Variants in SKIC3 observed in about 807,000 individuals in gnomAD.
The protein encoded by SKIC3 is superkiller complex protein 3.
At chr5:95,527,393 GAA>G in the SKIC3 span, among the ~76,000 whole-genome samples, 2 of 152,220 alleles carry the variant, frequency 1.3e-5, no homozygotes, top group East Asian at 3.9e-4. Flanking sequence ...TGATTTTAAA[GAA>G]ATATTATGAA....
chr5:95,517,052 C>T, the SKIC3 span: 3 of 1,613,616 alleles, frequency 1.9e-6, no homozygotes, highest in African/African-American at 4.0e-5. Flanking sequence ...TAATGCACGA[C>T]CATAACACCT....
the SKIC3 span, among the ~76,000 whole-genome samples, chr5:95,478,019 A>C: frequency 2.0e-5 from 3 of 152,196 alleles, no homozygotes; most frequent in South Asian, 6.2e-4. Flanking sequence ...AATTTGTTTC[A>C]CCAAGAAACA....
the SKIC3 span, chr5:95,503,735 T>C: frequency 4.4e-6 from 7 of 1,595,624 alleles, no homozygotes; most frequent in Non-Finnish European, 6.0e-6. Flanking sequence ...CATCTCATTA[T>C]TACATCTTTC....
At chr5:95,530,554 C>T in the SKIC3 span, among the ~76,000 whole-genome samples, 1 of 152,140 alleles carries the variant, frequency 6.6e-6, no homozygotes, top group Middle Eastern at 3.2e-3. Flanking sequence ...AATGAAGGAG[C>T]CCTTGTCAAA....
chr5:95,497,321 T>C, the SKIC3 span: 2 of 1,145,278 alleles, frequency 1.7e-6, no homozygotes, highest in Non-Finnish European at 2.6e-6. Flanking sequence ...GTACAAATTA[T>C]CTTGCAGAAG....
At chr5:95,554,459 A>T in the SKIC3 span, among the ~76,000 whole-genome samples, 2 of 152,170 alleles carry the variant, frequency 1.3e-5, no homozygotes, top group South Asian at 2.1e-4. Flanking sequence ...TTCTGAACCT[A>T]CGTCAACTAA....
the SKIC3 span, chr5:95,540,627 T>G: frequency 1.3e-6 from 2 of 1,590,904 alleles, no homozygotes; most frequent in Non-Finnish European, 1.7e-6. Flanking sequence ...ATGTTTCCAT[T>G]TTCTAAATTC....
At chr5:95,536,404 C>T in the SKIC3 span, 1 of 229,936 alleles carries the variant, frequency 4.3e-6, no homozygotes, top group Admixed American at 5.2e-5. Context: ...ACCTATTTAG[C>T]CAAAATATAT....
chr5:95,478,985 A>G, the SKIC3 span, among the ~76,000 whole-genome samples: 1 of 152,170 alleles, frequency 6.6e-6, no homozygotes, highest in Non-Finnish European at 1.5e-5. Context: ...ACCACTTTTG[A>G]CATTGTATTA....
the SKIC3 span, among the ~76,000 whole-genome samples, chr5:95,480,067 C>A: frequency 6.6e-6 from 1 of 151,936 alleles, no homozygotes; most frequent in African/African-American, 2.4e-5. Context: ...AACCTTAACT[C>A]CTGCAATATT....
chr5:95,486,745 C>G, the SKIC3 span, among the ~76,000 whole-genome samples: 7 of 152,326 alleles, frequency 4.6e-5, no homozygotes, highest in East Asian at 1.4e-3. Context: ...CTGGCACTCA[C>G]TTACATGTAT....
the SKIC3 span, chr5:95,509,755 T>C: frequency 9.7e-7 from 1 of 1,035,072 alleles, no homozygotes; most frequent in Non-Finnish European, 1.5e-6. Context: ...ATTCGTTTTA[T>C]TTTTTCAGTA....
chr5:95,502,867 C>A, the SKIC3 span: 2 of 1,612,510 alleles, frequency 1.2e-6, no homozygotes, highest in East Asian at 2.2e-5. Flanking sequence ...GTGTTGATGT[C>A]AACTATACAT....
At chr5:95,492,652 G>GAAAAAAAAAAAAAAA in the SKIC3 span, among the ~76,000 whole-genome samples, 135 of 48,824 alleles carry the variant, frequency 2.8e-3, 46 homozygotes, top group Non-Finnish European at 3.2e-3. Flanking sequence ...AAAAAAAAAA[G>GAAAAAAAAAAAAAAA]AAAAAAAAAA....
the SKIC3 span, chr5:95,484,913 G>A: frequency 1.9e-6 from 3 of 1,557,776 alleles, no homozygotes; most frequent in Non-Finnish European, 2.6e-6. Flanking sequence ...GGAGTAACTG[G>A]TTGCTAAAAA....
the SKIC3 span, chr5:95,494,638 GA>G: frequency 7.4e-5 from 116 of 1,561,658 alleles, no homozygotes; most frequent in African/African-American, 1.1e-3. Flanking sequence ...TATGTATTTA[GA>G]AAAAAAAAGA....
chr5:95,496,348 G>A, the SKIC3 span, among the ~76,000 whole-genome samples: 1 of 151,994 alleles, frequency 6.6e-6, no homozygotes, highest in African/African-American at 2.4e-5. Context: ...TTTTAATCCT[G>A]AAAGATGTAT....
At chr5:95,516,388 A>C in the SKIC3 span, 4,708 of 1,613,166 alleles carry the variant, frequency 2.9e-3, 111 homozygotes, top group African/African-American at 0.053. Flanking sequence ...AACACTCCCA[A>C]GTTGGTCCAT....
the SKIC3 span, among the ~76,000 whole-genome samples, chr5:95,507,219 A>ATAT: frequency 1.3e-5 from 2 of 152,210 alleles, no homozygotes; most frequent in Admixed American, 6.5e-5. Context: ...TAACATCTAA[A>ATAT]TAACCTCTTA....
Sources: gnomAD v4.1 joint callset for allele counts (sites outside exome capture counted in the v4.1 genomes callset) on GRCh38, gnomAD v4.1.1 for gene constraint, MANE v1.5 for transcripts, NCBI Gene and HGNC (gene_info 2026-07-23, HGNC 2026-07-21) for gene names.